MAP2K3: variants seen among roughly 807,000 people sequenced by gnomAD.
The protein encoded by MAP2K3 is dual specificity mitogen-activated protein kinase kinase 3.
Under a neutral mutation model 46.4 loss-of-function variants are expected in MAP2K3, and 30 were observed. That is an observed-to-expected ratio of 0.65 (90% CI 0.48 to 0.88). MAP2K3 has a LOEUF of 0.88. Among genes scored for constraint, MAP2K3 ranks in the 40% least tolerant of loss-of-function variants. The probability of loss-of-function intolerance (pLI) is 0.00; values close to 1 mark genes in which losing one functional copy is unlikely to be tolerated. For synonymous variants in MAP2K3, 189 were observed against 176.3 expected (o/e 1.07, Z -0.57); for missense variants, 380 against 464.5 (o/e 0.82, Z 1.67).
In MAP2K3 at chr17:21,302,253, T is replaced by C. The variant is rs761631345; in HGVS notation, c.510T>C (p.Ala170=). The C allele has an allele frequency of 3.1e-6, 4 of 1,301,374 alleles. No homozygotes were observed. The East Asian group carries it at 1.5e-4, about 50-fold the overall frequency. The allele number at this position is 1,301,374 out of a possible 1,614,324, so 80.6% of individuals were successfully genotyped here. Residue 170 remains alanine, a synonymous_variant, in exon 6 of 12, where the codon GCT becomes GCC. Coordinates refer to ENST00000342679, the MANE Select transcript of MAP2K3 (RefSeq NM_145109.3). ...TIPEDILGEI[A]VSIVRALEHL... ...CAGAGGACATCCTTGGGGAGATTGC[T>C]GTGTCTGTGAGTGGCCTGGGTGGGC...
chr17:21,290,635 C>T (rs1195963227), intron 1 of MAP2K3, among the ~76,000 whole-genome samples: 6 of 152,298 alleles, frequency 3.9e-5, no homozygotes, highest in South Asian at 2.1e-4. Flanking sequence ...ACCAAGAACC[C>T]CGTTTTTGGT....
intron 9 of MAP2K3, among the ~76,000 whole-genome samples, chr17:21,305,762 G>C (rs1976862509): frequency 6.6e-6 from 1 of 152,310 alleles, no homozygotes; most frequent in African/African-American, 2.4e-5. Flanking sequence ...GTGGATTGGA[G>C]GGATGGGAAG....
rs774060386 is a variant in MAP2K3, at chr17:21,300,537, C to T, written c.166-8C>T. On this transcript the variant is annotated splice_polypyrimidine_tract_variant and splice_region_variant and intron_variant, in intron 3 of 11. Transcript: ENST00000342679. ...GCTGGCCACTGACTCTCTTTTCCAT[C>T]CTTCAAGAACTTTGAGGTGGAGGCT... 1.2e-6 allele frequency: 2 copies of T among 1,603,426 alleles called. No homozygotes were observed. Among genetic ancestry groups the T allele is most frequent in the Non-Finnish European group, 1.7e-6 (2 of 1,175,012 alleles).
intron 1 of MAP2K3, among the ~76,000 whole-genome samples, chr17:21,289,992 C>T (rs1336418375): frequency 6.6e-6 from 1 of 152,190 alleles, no homozygotes; most frequent in African/African-American, 2.4e-5. Flanking sequence ...TTGCACCTGG[C>T]TCTGCTGACA....
chr17:21,306,397 T>A (rs575497907), intron 9 of MAP2K3, among the ~76,000 whole-genome samples: 31 of 152,270 alleles, frequency 2.0e-4, no homozygotes, highest in Middle Eastern at 3.4e-3. Flanking sequence ...GGGGTGTGAG[T>A]GTGGGGTGCA....
chr17:21,287,958 G>C (rs567835853), intron 1 of MAP2K3: 2 of 1,166,662 alleles, frequency 1.7e-6, no homozygotes, highest in Non-Finnish European at 2.3e-6. Flanking sequence ...GTGGCACCTC[G>C]GGGACTTCCC....
At chr17:21,298,269 GC>G in intron 1 of MAP2K3, 143 bp from the exon 2 acceptor site, 2 of 1,213,476 alleles carry the variant, frequency 1.6e-6, no homozygotes, top group Non-Finnish European at 2.4e-6. Flanking sequence ...AGGCCTAACG[GC>G]CTGGCTTGGA....
At chr17:21,311,836 C>T (rs1256433107) in intron 9 of MAP2K3, 2 of 252,006 alleles carry the variant, frequency 7.9e-6, no homozygotes, top group East Asian at 1.6e-4. Flanking sequence ...CAGCTGGAAC[C>T]TGCATTGTTT....
intron 1 of MAP2K3, among the ~76,000 whole-genome samples, chr17:21,289,302 T>G (rs1256255163): frequency 6.6e-6 from 1 of 152,106 alleles, no homozygotes; most frequent in East Asian, 1.9e-4. Flanking sequence ...CCCCTGGCTT[T>G]GGCATGCAGC....
chr17:21,303,329 C>T (rs1597821628), intron 7 of MAP2K3, 95 bp downstream of exon 7: 25 of 1,556,948 alleles, frequency 1.6e-5, no homozygotes, highest in Admixed American at 8.7e-5. Context: ...ACTGTGGCTC[C>T]GAGAGGTGAT....
At chr17:21,296,504 G>A (rs1976259847) in intron 1 of MAP2K3, among the ~76,000 whole-genome samples, 1 of 152,312 alleles carries the variant, frequency 6.6e-6, no homozygotes, top group South Asian at 2.1e-4. Context: ...GCCTCAGGGA[G>A]GGCTCCCTGT....
rs2144545816 is a variant in MAP2K3 at position 21,298,448 on chromosome 17, T to C, written c.85T>C (p.Cys29Arg). Residue 29 changes from cysteine to arginine, a missense_variant, in exon 2 of 12, where the codon TGC (cysteine) becomes CGC (arginine). This residue lies in a region of MAP2K3 where 294 missense variants were observed against 275.4 expected (regional missense o/e 1.07). Coordinates refer to ENST00000342679, the MANE Select transcript of MAP2K3 (RefSeq NM_145109.3). ...GAGGAAGAAGGATCTACGGATATCC[T>C]GCATGTCCAAGCCACCCGCACCCAA... ...SKRKKDLRISCMSKPPAPNPT... is the reference protein window; with the variant it reads ...SKRKKDLRISRMSKPPAPNPT... 1 of 1,614,312 alleles carries C rather than the reference T, an allele frequency of 6.2e-7. No individual in the cohort carries two copies. Among genetic ancestry groups the C allele is most frequent in the Non-Finnish European group, 8.5e-7 (1 of 1,180,056 alleles).
At chr17:21,294,504 C>T (rs1408400812) in intron 1 of MAP2K3, among the ~76,000 whole-genome samples, 3 of 152,312 alleles carry the variant, frequency 2.0e-5, no homozygotes, top group African/African-American at 7.2e-5. Context: ...GTAGAGGGAG[C>T]AGCCGAAGTG....
Position 21,298,468 on chromosome 17 carries a change from AC to A in MAP2K3, c.108del (p.Asn37ThrfsTer29). ...TATCCTGCATGTCCAAGCCACCCGC[AC>A]CCAACCCCACGTGAGTCTGCCTCAG... ...RISCMSKPPA[P>X]NPTPPRNLDS... On this transcript the variant is annotated frameshift_variant, in exon 2 of 12. Coordinates refer to ENST00000342679, the MANE Select transcript of MAP2K3 (RefSeq NM_145109.3). LOFTEE classifies it high-confidence loss of function. The A allele has an allele frequency of 1.2e-6, 2 of 1,614,314 alleles. No homozygotes were observed. The highest frequency in any genetic ancestry group is 2.2e-5 in the South Asian group (2 of 91,092).
At chr17:21,304,317 G>A in intron 7 of MAP2K3, 109 bp from the exon 8 acceptor site, 1 of 1,577,332 alleles carries the variant, frequency 6.3e-7, no homozygotes, top group Middle Eastern at 1.7e-4. Flanking sequence ...CATGGGAGGG[G>A]GCACAGGAGG....
At chr17:21,312,686 G>A (rs530345994) in intron 10 of MAP2K3, among the ~76,000 whole-genome samples, 2 of 152,204 alleles carry the variant, frequency 1.3e-5, no homozygotes, top group South Asian at 4.2e-4. Flanking sequence ...GGAGGCCGAG[G>A]CAGGCGGATC....
chr17:21,299,309 T>A (rs923382823), intron 3 of MAP2K3, among the ~76,000 whole-genome samples: 1 of 152,308 alleles, frequency 6.6e-6, no homozygotes, highest in African/African-American at 2.4e-5. Context: ...ATTTTATGCT[T>A]CCAGAAGCCT....
chr17:21,303,495 C>A (rs371117945), intron 7 of MAP2K3, among the ~76,000 whole-genome samples: 1 of 152,312 alleles, frequency 6.6e-6, no homozygotes, highest in East Asian at 1.9e-4. Context: ...GTTTACAAAT[C>A]GTGAAACTCC....
At chr17:21,303,665 T>C (rs1203190871) in intron 7 of MAP2K3, among the ~76,000 whole-genome samples, 1 of 152,310 alleles carries the variant, frequency 6.6e-6, no homozygotes, top group Non-Finnish European at 1.5e-5. Context: ...CCACAGTGGG[T>C]TGGTTTCGCC....
Sources: gnomAD v4.1 joint callset for allele counts (sites outside exome capture counted in the v4.1 genomes callset) on GRCh38, gnomAD v4.1.1 for gene constraint, gnomAD v4.1.1 regional missense constraint, MANE v1.5 for transcripts, NCBI Gene and HGNC (gene_info 2026-07-23, HGNC 2026-07-21) for gene names.